SND1: variants seen among roughly 807,000 people sequenced by gnomAD.
The protein encoded by SND1 is staphylococcal nuclease and tudor domain containing 1.
A neutral mutation model predicts 121.7 loss-of-function variants in SND1; 38 were observed. The observed-to-expected ratio is 0.31, with a 90% confidence interval of 0.24 to 0.41. SND1 has a LOEUF of 0.41. Ranked by LOEUF, SND1 falls within the 10% of genes least tolerant of loss-of-function variation. The probability of loss-of-function intolerance (pLI) is 1.00; values close to 1 mark genes in which losing one functional copy is unlikely to be tolerated. For missense variants in SND1, 868 were observed against 1,184.6 expected, an observed-to-expected ratio of 0.73 and a Z score of 3.92; for synonymous variants, 401 against 447.4, an observed-to-expected ratio of 0.90 and a Z score of 1.31.
intron 15 of SND1, among the ~76,000 whole-genome samples, chr7:127,979,873 T>A (rs2116899466): frequency 6.6e-6 from 1 of 152,302 alleles, no homozygotes; most frequent in African/African-American, 2.4e-5. Flanking sequence ...CTCTGTAAAA[T>A]CAGTGGGCAG....
At chr7:127,736,047 A>C (rs1796771318) in intron 10 of SND1, among the ~76,000 whole-genome samples, 1 of 152,172 alleles carries the variant, frequency 6.6e-6, no homozygotes, top group South Asian at 2.1e-4. Flanking sequence ...TTTTTAATAG[A>C]GTCTCAATAC....
chr7:128,000,907 G>A (rs191965681), intron 16 of SND1, among the ~76,000 whole-genome samples: 12 of 152,250 alleles, frequency 7.9e-5, no homozygotes, highest in African/African-American at 2.4e-4. Context: ...CTAACGTTGT[G>A]GTGTTTCACA....
chr7:128,016,484 C>T (rs1176104538), intron 16 of SND1, among the ~76,000 whole-genome samples: 2 of 152,162 alleles, frequency 1.3e-5, no homozygotes, highest in Non-Finnish European at 2.9e-5. Flanking sequence ...TGAAACCAGT[C>T]GTTTGGTGAG....
rs1440436502 is a variant in SND1, at chr7:128,091,843, G to C, written c.2629G>C (p.Glu877Gln). The change falls in exon 23 of 24, where the codon GAA becomes CAA. Residue 877 changes from glutamate (E) to glutamine (Q), a missense_variant. By Grantham distance (29) the Glu-to-Gln change is conservative. Transcript: ENST00000354725. Reference protein sequence around the residue: ...KEKQFQKVITEYLNAQESAKS... With the variant: ...KEKQFQKVITQYLNAQESAKS... Reference sequence around the variant, plus strand: ...TCTTCTCTCGTCCCTCCAGATCACAGAATACCTGAATGCCCAAGAGTCAGC... The same window carrying C: ...TCTTCTCTCGTCCCTCCAGATCACACAATACCTGAATGCCCAAGAGTCAGC... 6.2e-7 allele frequency: 1 copy of C among 1,614,152 alleles called. No individual in the cohort carries two copies. Among genetic ancestry groups the C allele is most frequent in the South Asian group, 1.1e-5 (1 of 91,078 alleles).
At chr7:127,722,003 A>G (rs1796503443) in intron 10 of SND1, among the ~76,000 whole-genome samples, 1 of 152,146 alleles carries the variant, frequency 6.6e-6, no homozygotes, top group South Asian at 2.1e-4. Context: ...AAGAGCTGGT[A>G]TTACATGTGC....
intron 10 of SND1, among the ~76,000 whole-genome samples, chr7:127,733,609 T>A (rs1330787360): frequency 6.6e-6 from 1 of 152,220 alleles, no homozygotes; most frequent in South Asian, 2.1e-4. Flanking sequence ...GTTAGATAGA[T>A]TCACTGCAAA....
intron 10 of SND1, among the ~76,000 whole-genome samples, chr7:127,805,300 T>C (rs747126174): frequency 2.0e-5 from 3 of 152,192 alleles, no homozygotes; most frequent in Non-Finnish European, 4.4e-5. Context: ...ACAGTGATCA[T>C]GACACACCTG....
intron 12 of SND1, among the ~76,000 whole-genome samples, chr7:127,883,270 T>C (rs1799829914): frequency 6.6e-6 from 1 of 152,066 alleles, no homozygotes; most frequent in Non-Finnish European, 1.5e-5. Flanking sequence ...ATGGAGAAAA[T>C]ATGTTCCATA....
chr7:127,673,097 A>G (rs1390956502), intron 1 of SND1, among the ~76,000 whole-genome samples: 2 of 148,900 alleles, frequency 1.3e-5, no homozygotes, highest in East Asian at 3.9e-4. Flanking sequence ...TTAGTAATAT[A>G]TATCCTTCGG....
intron 16 of SND1, among the ~76,000 whole-genome samples, chr7:128,025,811 A>G (rs1000505880): frequency 2.0e-5 from 3 of 151,800 alleles, no homozygotes; most frequent in South Asian, 2.1e-4. Context: ...GTCTCCCCCA[A>G]CTCCTTTGAG....
intron 15 of SND1, among the ~76,000 whole-genome samples, chr7:127,966,953 G>A (rs1177057499): frequency 1.3e-5 from 2 of 152,116 alleles, no homozygotes; most frequent in African/African-American, 4.8e-5. Flanking sequence ...TGATAGAGCG[G>A]CATATTTCTA....
chr7:127,726,039 A>G (rs1796576388), intron 10 of SND1, among the ~76,000 whole-genome samples: 1 of 152,044 alleles, frequency 6.6e-6, no homozygotes, highest in South Asian at 2.1e-4. Flanking sequence ...CATTTCTCTT[A>G]AATTATACTG....
At chr7:127,900,121 G>A (rs952254608) in intron 13 of SND1, among the ~76,000 whole-genome samples, 2 of 152,104 alleles carry the variant, frequency 1.3e-5, no homozygotes, top group Non-Finnish European at 2.9e-5. Context: ...GAAAGCTCCT[G>A]CTCCCTCAGA....
chr7:128,032,980 C>G (rs1026564324), intron 16 of SND1, among the ~76,000 whole-genome samples: 11 of 152,198 alleles, frequency 7.2e-5, no homozygotes, highest in African/African-American at 2.4e-4. Context: ...GCCCACGACA[C>G]AGCCCGTTCA....
chr7:127,682,975 A>G (rs1246291228), intron 1 of SND1, among the ~76,000 whole-genome samples: 1 of 152,198 alleles, frequency 6.6e-6, no homozygotes, highest in Admixed American at 6.5e-5. Flanking sequence ...TAAATTGTTG[A>G]GCATATAGAC....
chr7:127,807,229 A>T (rs975828570), intron 10 of SND1, among the ~76,000 whole-genome samples: 3 of 152,160 alleles, frequency 2.0e-5, no homozygotes, highest in Non-Finnish European at 4.4e-5. Flanking sequence ...TGTGTTAAAG[A>T]CCATTTGTTT....
intron 11 of SND1, among the ~76,000 whole-genome samples, chr7:127,839,555 T>C (rs1006604563): frequency 1.4e-4 from 22 of 152,186 alleles, no homozygotes; most frequent in African/African-American, 5.1e-4. Flanking sequence ...ATACATTGTA[T>C]GAAGAATATC....
Position 127,972,213 on chromosome 7 carries a change from A to G in SND1, c.1670-18734A>G, listed in dbSNP as rs146453961. On this transcript the variant is annotated intron_variant, in intron 15 of 23. Transcript: ENST00000354725. ...AGTATCCTTTCCGACCTCGGTCATC[A>G]TAGATTAGTTTTGTCTAGTTTTTAG... 4.6e-3 allele frequency among the ~76,000 whole-genome samples: 695 copies of G among 152,178 alleles called. 1 individual carries two copies. Among genetic ancestry groups the G allele is most frequent in the Non-Finnish European group, 7.9e-3 (535 of 68,002 alleles).
intron 12 of SND1, among the ~76,000 whole-genome samples, chr7:127,881,643 C>T (rs986381901): frequency 5.9e-5 from 9 of 152,168 alleles, no homozygotes; most frequent in African/African-American, 2.2e-4. Context: ...AAATGCAAAA[C>T]ACACAGTCTG....
Sources: gnomAD v4.1 joint callset for allele counts (sites outside exome capture counted in the v4.1 genomes callset) on GRCh38, gnomAD v4.1.1 for gene constraint, MANE v1.5 for transcripts, NCBI Gene and HGNC (gene_info 2026-07-23, HGNC 2026-07-21) for gene names.